CBX5: variants seen among roughly 807,000 people sequenced by gnomAD.
CBX5 encodes the protein chromobox 5, also known as chromobox protein homolog 5.
CBX5 carries 7 observed loss-of-function variants against 20.7 expected under a neutral mutation model. The observed-to-expected ratio is 0.34, with a 90% confidence interval of 0.19 to 0.63. The LOEUF (loss-of-function observed/expected upper bound fraction) is 0.63. Ranked by LOEUF, CBX5 falls within the 30% of genes least tolerant of loss-of-function variation. The pLI is 0.75. For synonymous variants in CBX5, 78 were observed against 77.0 expected, an observed-to-expected ratio of 1.01 and a Z score of -0.07; for missense variants, 110 against 224.1, an observed-to-expected ratio of 0.49 and a Z score of 3.25.
At chr12:54,260,320 G>A (rs528347125) in intron 1 of CBX5, among the ~76,000 whole-genome samples, 7 of 151,934 alleles carry the variant, frequency 4.6e-5, no homozygotes, top group Non-Finnish European at 8.8e-5. Flanking sequence ...GTGAAACCCC[G>A]TCTCTACTAA....
chr12:54,255,637 G>C (rs1480833404), intron 2 of CBX5: 2 of 151,912 alleles, frequency 1.3e-5, no homozygotes, highest in Non-Finnish European at 2.9e-5. Context: ...AGAGGCAAGG[G>C]TCTTGCTATG....
At chr12:54,262,405 T>C (rs952959851) in intron 1 of CBX5, among the ~76,000 whole-genome samples, 1 of 152,214 alleles carries the variant, frequency 6.6e-6, no homozygotes, top group African/African-American at 2.4e-5. Context: ...CCGAGGTCCT[T>C]TTCTTTTTGG....
At chr12:54,263,762 CAAAAAAAAAAA>C (rs66591051) in intron 1 of CBX5, among the ~76,000 whole-genome samples, 10 of 37,886 alleles carry the variant, frequency 2.6e-4, no homozygotes, top group African/African-American at 7.5e-4. Context: ...GACTCTATCT[CAAAAAAAAAAA>C]AAAAAAAAAA....
In CBX5 at chr12:54,233,071, C is replaced by A. The variant is rs1395243833; in HGVS notation, c.*8684G>T. On this transcript the variant is annotated 3_prime_UTR_variant, in exon 5 of 5. Coordinates refer to ENST00000209875, the MANE Select transcript of CBX5 (RefSeq NM_012117.3). ...TACATCACATCCCTCCCCACAATAC[C>A]CAGAGGGCTGCATTTTTCCAACCTT... 1 of 152,138 alleles carries A rather than the reference C, an allele frequency of 6.6e-6. No individual in the cohort carries two copies. Among genetic ancestry groups the A allele is most frequent in the Non-Finnish European group, 1.5e-5 (1 of 68,048 alleles). 9.4% of individuals were successfully genotyped at this position (152,138 alleles called of 1,614,324 possible). A position where few individuals can be genotyped will look rare whatever the true frequency, so the allele number is the denominator to read the frequency against.
At chr12:54,272,116 G>A (rs982030612) in intron 1 of CBX5, 1 of 152,204 alleles carries the variant, frequency 6.6e-6, no homozygotes, top group African/African-American at 2.4e-5. Context: ...GACCTCTTTA[G>A]TACAGGGCAT....
intron 4 of CBX5, 62 bp from the exon 5 acceptor site, chr12:54,241,967 A>G: frequency 1.3e-6 from 2 of 1,499,960 alleles, no homozygotes; most frequent in Admixed American, 2.0e-5. Context: ...GTCCAGACAT[A>G]CGTTTATGTC....
chr12:54,246,963 T>C (rs950131933), intron 3 of CBX5, among the ~76,000 whole-genome samples: 2 of 152,302 alleles, frequency 1.3e-5, no homozygotes, highest in Admixed American at 6.5e-5. Flanking sequence ...TCAAATATAC[T>C]ACCTCTCTCT....
chr12:54,250,111 A>ACTCCC (rs1248328460), intron 3 of CBX5, among the ~76,000 whole-genome samples: 1 of 152,032 alleles, frequency 6.6e-6, no homozygotes, highest in Admixed American at 6.6e-5. Flanking sequence ...AATCCCAACT[A>ACTCCC]CTCTGGAAGG....
chr12:54,262,635 A>G (rs1008714371), intron 1 of CBX5: 1 of 152,718 alleles, frequency 6.5e-6, no homozygotes, highest in African/African-American at 2.4e-5. Context: ...GTAAGAAATG[A>G]GAAATGCACT....
intron 1 of CBX5, among the ~76,000 whole-genome samples, chr12:54,260,359 G>A (rs917164524): frequency 2.6e-5 from 4 of 151,962 alleles, no homozygotes. Context: ...CAGGTGTGGT[G>A]GCAGGCGCAT....
intron 1 of CBX5, among the ~76,000 whole-genome samples, chr12:54,278,138 G>C (rs906435575): frequency 3.3e-5 from 5 of 152,182 alleles, no homozygotes; most frequent in Non-Finnish European, 7.4e-5. Flanking sequence ...CGAGTGATGC[G>C]ATGTTACTGG....
chr12:54,271,978 T>G (rs1309367100), intron 1 of CBX5: 1 of 152,154 alleles, frequency 6.6e-6, no homozygotes, highest in Non-Finnish European at 1.5e-5. Flanking sequence ...CTGAACAAAT[T>G]AGCAGTATAT....
At chr12:54,277,155 C>T (rs187606870) in intron 1 of CBX5, 2 of 152,252 alleles carry the variant, frequency 1.3e-5, no homozygotes, top group East Asian at 3.9e-4. Flanking sequence ...GTCTCAGCCT[C>T]CTGAGTAGCT....
chr12:54,249,423 C>G (rs1943769838), intron 3 of CBX5, among the ~76,000 whole-genome samples: 1 of 149,056 alleles, frequency 6.7e-6, no homozygotes, highest in East Asian at 2.0e-4. Context: ...ATCTTAGGCA[C>G]TGGAGATTTT....
chr12:54,233,751 GGA>G lies in CBX5; in HGVS notation c.*8002_*8003del, dbSNP rs1357645118. 6.6e-6 allele frequency: 1 copy of G among 151,730 alleles called. No homozygotes were observed. Among genetic ancestry groups the G allele is most frequent in the African/African-American group, 2.4e-5 (1 of 41,272 alleles). 9.4% of individuals were successfully genotyped at this position (151,730 alleles called of 1,614,324 possible). A position where few individuals can be genotyped will look rare whatever the true frequency, so the allele number is the denominator to read the frequency against. On this transcript the variant is annotated 3_prime_UTR_variant, in exon 5 of 5. Transcript: ENST00000209875. ...TTGGAGACCAGCCTGGGCAACACAG[GGA>G]GACTGTCTCTACAAAACATTTTTTA...
chr12:54,264,335 T>G (rs1565873024), intron 1 of CBX5, among the ~76,000 whole-genome samples: 1 of 152,178 alleles, frequency 6.6e-6, no homozygotes, highest in Non-Finnish European at 1.5e-5. Flanking sequence ...TTTTTTATTT[T>G]TTGGTGAGAT....
intron 1 of CBX5, chr12:54,259,532 C>A (rs1210058891): frequency 1.3e-5 from 2 of 152,682 alleles, no homozygotes; most frequent in African/African-American, 4.8e-5. Flanking sequence ...TTCTTTCTTT[C>A]CCTCTGGGCT....
At position 54,231,107 on chromosome 12, in the gene CBX5, T is replaced by C. The variant is rs1001221514; in HGVS notation, c.*10648A>G. 8 of 152,114 alleles carry C rather than the reference T, an allele frequency of 5.3e-5. No individual in the cohort carries two copies. The highest frequency in any genetic ancestry group is 1.9e-4 in the African/African-American group (8 of 41,422). 9.4% of individuals were successfully genotyped at this position (152,114 alleles called of 1,614,324 possible). A position where few individuals can be genotyped will look rare whatever the true frequency, so the allele number is the denominator to read the frequency against. On this transcript the variant is annotated 3_prime_UTR_variant, in exon 5 of 5. Coordinates refer to ENST00000209875, the MANE Select transcript of CBX5 (RefSeq NM_012117.3). ...TTTACATTTAAAAGGTGAACATATATATAGACCACTTATACTTTAAAAAAA... is the reference window on the plus strand; with the variant it reads ...TTTACATTTAAAAGGTGAACATATACATAGACCACTTATACTTTAAAAAAA...
At chr12:54,256,093 T>C (rs1468969196) in intron 2 of CBX5, among the ~76,000 whole-genome samples, 1 of 152,208 alleles carries the variant, frequency 6.6e-6, no homozygotes, top group Non-Finnish European at 1.5e-5. Flanking sequence ...CTTTTCCCCT[T>C]TCATCTATGG....
Sources: allele counts gnomAD v4.1 joint callset (sites outside exome capture counted in the v4.1 genomes callset), GRCh38; gene constraint gnomAD v4.1.1; transcripts MANE v1.5; gene names NCBI Gene and HGNC (gene_info 2026-07-23, HGNC 2026-07-21).